PDZD2: variants seen among roughly 807,000 people sequenced by gnomAD.
The protein encoded by PDZD2 is PDZ domain containing 2.
A neutral mutation model predicts 220.7 loss-of-function variants in PDZD2; 90 were observed. The observed-to-expected ratio is 0.41, with a 90% confidence interval of 0.34 to 0.49. The LOEUF is 0.49. Among genes scored for constraint, PDZD2 ranks in the 20% least tolerant of loss-of-function variants. The pLI is 0.28. For missense variants in PDZD2, 3,174 were observed against 3,608.5 expected (o/e 0.88, Z 3.08); for synonymous variants, 1,375 against 1,450.5 (o/e 0.95, Z 1.18).
chr5:31,958,269 T>C (rs1024579549), intron 2 of PDZD2, among the ~76,000 whole-genome samples: 3 of 152,118 alleles, frequency 2.0e-5, no homozygotes, highest in African/African-American at 7.2e-5. Context: ...GTTTTTTTTT[T>C]TTGAGACGGA....
chr5:31,734,267 G>A (rs1449372824), intron 1 of PDZD2, among the ~76,000 whole-genome samples: 1 of 152,170 alleles, frequency 6.6e-6, no homozygotes, highest in South Asian at 2.1e-4. Context: ...AAAAACCTCT[G>A]AATGTTCAGC....
chr5:32,059,098 G>A lies in PDZD2; in HGVS notation c.2201-141G>A, dbSNP rs998072750. ...TGGCAAGTGTTGACAAGGAAAAGCT[G>A]GATTTACATTCTGAGTCTGGACCAG... On this transcript the variant is annotated intron_variant, in intron 12 of 24. Coordinates refer to ENST00000438447, the MANE Select transcript of PDZD2 (RefSeq NM_178140.4). 3 of 581,864 alleles carry A rather than the reference G, an allele frequency of 5.2e-6. No individual in the cohort carries two copies. In the African/African-American group the frequency reaches 5.7e-5, roughly 11 times the overall value. 36.0% of individuals were successfully genotyped at this position (581,864 alleles called of 1,614,324 possible).
chr5:31,645,338 T>G, intron 1 of PDZD2, among the ~76,000 whole-genome samples: 1 of 149,756 alleles, frequency 6.7e-6, no homozygotes, highest in Admixed American at 6.6e-5. Flanking sequence ...GGTCTCTTTT[T>G]TTTTTTTTTT....
At chr5:31,812,452 A>G (rs530825381) in intron 2 of PDZD2, among the ~76,000 whole-genome samples, 3 of 152,214 alleles carry the variant, frequency 2.0e-5, no homozygotes, top group African/African-American at 7.2e-5. Context: ...ACTGGTTGAT[A>G]TACAACCCTC....
chr5:31,985,568 C>G (rs977087542), intron 3 of PDZD2, among the ~76,000 whole-genome samples: 41 of 152,068 alleles, frequency 2.7e-4, no homozygotes, highest in African/African-American at 8.7e-4. Context: ...TTGCACATGC[C>G]TGTAATCCTA....
chr5:31,962,475 T>G (rs2111707900), intron 2 of PDZD2, among the ~76,000 whole-genome samples: 1 of 140,882 alleles, frequency 7.1e-6, no homozygotes, highest in Middle Eastern at 4.0e-3. Context: ...AGGAAATGTC[T>G]GCAGAGAGTC....
At chr5:31,821,898 T>C (rs199675798) in intron 2 of PDZD2, among the ~76,000 whole-genome samples, 9 of 149,658 alleles carry the variant, frequency 6.0e-5, no homozygotes, top group Admixed American at 2.0e-4. Context: ...CCTGTGTCCG[T>C]GTGTTCTCAT....
At chr5:31,975,940 A>G (rs1468770570) in intron 2 of PDZD2, among the ~76,000 whole-genome samples, 5 of 151,642 alleles carry the variant, frequency 3.3e-5, no homozygotes, top group African/African-American at 9.7e-5. Flanking sequence ...AGTAGCTGGG[A>G]GTACAGGTGT....
chr5:31,770,574 G>A (rs534634671), intron 1 of PDZD2, among the ~76,000 whole-genome samples: 1 of 152,244 alleles, frequency 6.6e-6, no homozygotes, highest in African/African-American at 2.4e-5. Context: ...ACAATACTCC[G>A]GGGACCCAGA....
At position 32,087,894 on chromosome 5, in the gene PDZD2, C is replaced by A. The variant is rs755098204; in HGVS notation, c.4446C>A (p.Ser1482=). ...CAGTCCCGGGGGGCCAGACCTCCTCCCCGAGGAGGGCCTGGGCTGCTGGTG... is the reference window on the plus strand; with the variant it reads ...CAGTCCCGGGGGGCCAGACCTCCTCACCGAGGAGGGCCTGGGCTGCTGGTG... The part of the protein sequence containing the change: ...AEPVPGGQTS[S]PRRAWAAGAP... The change falls in exon 20 of 25, where the codon TCC becomes TCA. Residue 1482 remains serine, a synonymous_variant. Coordinates refer to ENST00000438447, the MANE Select transcript of PDZD2 (RefSeq NM_178140.4). The surrounding 1 kb of genome is among the most constrained non-coding windows in gnomAD (Gnocchi z 4.0). 1 of 1,613,108 alleles carries A rather than the reference C, an allele frequency of 6.2e-7. No homozygotes were observed. The highest frequency in any genetic ancestry group is 1.7e-5 in the Admixed American group (1 of 59,918).
chr5:31,675,418 A>G (rs1678908), intron 1 of PDZD2, among the ~76,000 whole-genome samples: 16,660 of 152,262 alleles, frequency 0.11, 991 homozygotes, highest in East Asian at 0.15. Flanking sequence ...AGATGGCCTC[A>G]GCTGCCCAGC....
intron 1 of PDZD2, among the ~76,000 whole-genome samples, chr5:31,711,871 G>A (rs915682531): frequency 2.6e-5 from 4 of 152,246 alleles, no homozygotes; most frequent in African/African-American, 9.6e-5. Context: ...GCCTCAGAAG[G>A]AGGGGGAGTT....
In PDZD2 at chr5:32,088,609, C is replaced by T. The variant is rs202203587; in HGVS notation, c.5161C>T (p.Pro1721Ser). The T allele has an allele frequency of 1.1e-5, 17 of 1,614,018 alleles. No homozygotes were observed. Among genetic ancestry groups the T allele is most frequent in the Non-Finnish European group, 1.4e-5 (16 of 1,180,006 alleles). The change falls in exon 20 of 25, where the codon CCG becomes TCG. Residue 1721 changes from proline to serine, a missense_variant. Pro to Ser is a moderately conservative substitution (Grantham distance 74). Around this residue, in one of 4 missense-constraint regions of PDZD2, gnomAD observed 1,861 missense variants for 2,001.0 expected, o/e 0.93. Coordinates refer to ENST00000438447, the MANE Select transcript of PDZD2 (RefSeq NM_178140.4). The surrounding 1 kb of genome is among the most constrained non-coding windows in gnomAD (Gnocchi z 4.6). ...TAAAGTAGCCAGGCATTTTCACAGT[C>T]CGCCCATCATTCTCAGCTCCCCCAA... ...LSKVARHFHS[P>S]PIILSSPNMV...
intron 2 of PDZD2, among the ~76,000 whole-genome samples, chr5:31,882,851 A>C (rs1740049196): frequency 6.6e-6 from 1 of 151,980 alleles, no homozygotes; most frequent in Non-Finnish European, 1.5e-5. Flanking sequence ...CAACATGGTG[A>C]AAGCCAGTCT....
intron 21 of PDZD2, among the ~76,000 whole-genome samples, chr5:32,093,981 TA>T (rs539550812): frequency 4.1e-4 from 60 of 144,654 alleles, no homozygotes; most frequent in Middle Eastern, 3.6e-3. Flanking sequence ...TCATCTCAAT[TA>T]AAAAAAAAAA....
At chr5:31,705,880 T>A in intron 1 of PDZD2, among the ~76,000 whole-genome samples, 1 of 152,166 alleles carries the variant, frequency 6.6e-6, no homozygotes, top group Non-Finnish European at 1.5e-5. Flanking sequence ...CGAAACCCTA[T>A]CTCTACTGAA....
In PDZD2 at chr5:32,087,452, C is replaced by T. The variant is rs1320713456; in HGVS notation, c.4004C>T (p.Pro1335Leu). 1.2e-6 allele frequency: 2 copies of T among 1,614,048 alleles called. No homozygotes were observed. The highest frequency in any genetic ancestry group is 1.7e-6 in the Non-Finnish European group (2 of 1,179,950). Residue 1335 changes from proline (P) to leucine (L), a missense_variant, in exon 20 of 25, where the codon CCA becomes CTA. Physicochemically the swap from Pro to Leu is moderately conservative, Grantham distance 98. Coordinates refer to ENST00000438447, the MANE Select transcript of PDZD2 (RefSeq NM_178140.4). This position sits in a 1 kb window ranked among gnomAD's most constrained non-coding sequence, Gnocchi z 4.0. ...GGACCTGGAGCAGAGGGAATGACACCAGCTGGTGCTGTCCTGCCAGGAGAC... is the reference window on the plus strand; with the variant it reads ...GGACCTGGAGCAGAGGGAATGACACTAGCTGGTGCTGTCCTGCCAGGAGAC... ...GAGPGAEGMT[P>L]AGAVLPGDPL...
intron 19 of PDZD2, among the ~76,000 whole-genome samples, chr5:32,080,328 AC>A (rs1741794404): frequency 7.0e-6 from 1 of 142,356 alleles, no homozygotes; most frequent in Non-Finnish European, 1.5e-5. Flanking sequence ...AGCCTGGGCA[AC>A]AGAGCGAGAC....
chr5:31,981,573 G>A lies in PDZD2; in HGVS notation c.477-1582G>A, dbSNP rs563952105. ...ACAAGATCCCAGAAGGCATGTTAAT[G>A]TCTGTTTACCTGCAGTCATCATTTC... On this transcript the variant is annotated intron_variant, in intron 2 of 24. Transcript: ENST00000438447. Among the ~76,000 whole-genome samples the A allele has an allele frequency of 3.9e-5, 6 of 152,316 alleles. No individual in the cohort carries two copies. In the East Asian group the frequency reaches 9.6e-4, roughly 24 times the overall value.
Sources: gnomAD v4.1 joint callset for allele counts (sites outside exome capture counted in the v4.1 genomes callset) on GRCh38, gnomAD v4.1.1 for gene constraint, gnomAD v4.1.1 regional missense constraint, Gnocchi (gnomAD v3.1) non-coding constraint, MANE v1.5 for transcripts, NCBI Gene and HGNC (gene_info 2026-07-23, HGNC 2026-07-21) for gene names.